ATP7B: variants seen among roughly 807,000 people sequenced by gnomAD.
ATP7B encodes the protein ATPase copper transporting beta.
ATP7B carries 113 observed loss-of-function variants against 118.9 expected under a neutral mutation model. The observed-to-expected ratio is 0.95, with a 90% confidence interval of 0.82 to 1.11. The LOEUF (loss-of-function observed/expected upper bound fraction) is 1.11. Among genes scored for constraint, ATP7B ranks in the 50% most tolerant of loss-of-function variants. The pLI, the probability that ATP7B is intolerant of heterozygous loss-of-function variation, is 0.00. For missense variants in ATP7B, 1,867 were observed against 1,871.4 expected (o/e 1.00, Z 0.04); for synonymous variants, 777 against 727.4 (o/e 1.07, Z -1.10).
rs200212457 is a variant in ATP7B at position 51,968,485 on chromosome 13, T to C, written c.1666A>G (p.Met556Val). The C allele has an allele frequency of 1.1e-5, 17 of 1,614,194 alleles. No homozygotes were observed. The highest frequency in any genetic ancestry group is 8.0e-5 in the African/African-American group (6 of 75,054). ...CCATCGGAGCCTGCGTAGTCCTCCA[T>C]GACTGCTGCCTCAAAACCCAGGTCC... ...IQDLGFEAAV[M>V]EDYAGSDGNI... Residue 556 changes from methionine (M) to valine (V), a missense_variant, in exon 4 of 21, where the codon ATG becomes GTG. Coordinates refer to ENST00000242839, the MANE Select transcript of ATP7B (RefSeq NM_000053.4).
Position 51,974,407 on chromosome 13 carries a change from G to T in ATP7B, c.813C>A (p.Cys271Ter), listed in dbSNP as rs572147914. 61 of 1,613,964 alleles carry T rather than the reference G, an allele frequency of 3.8e-5. No homozygotes were observed. The South Asian group carries it at 6.1e-4, about 16-fold the overall frequency. Reference sequence around the variant, plus strand: ...CAATATTTTCTTCAATATTCAAGACGCAAGACTTACAATGCATTCCATCTA... The same window carrying T: ...CAATATTTTCTTCAATATTCAAGACTCAAGACTTACAATGCATTCCATCTA... ...LRIDGMHCKS[C>*]VLNIEENIGQ... is the part of the protein sequence containing the mutation. Residue 271 changes from cysteine (C) to a stop codon, truncating the protein, a stop_gained, in exon 2 of 21, where the codon TGC becomes TGA. Transcript: ENST00000242839. LOFTEE classifies it high-confidence loss of function.
In ATP7B at chr13:51,939,187, A is replaced by G. The variant is rs1361580175; in HGVS notation, c.3563T>C (p.Leu1188Pro). The G allele has an allele frequency of 3.1e-6, 5 of 1,613,338 alleles. No individual in the cohort carries two copies. The highest frequency in any genetic ancestry group is 4.2e-6 in the Non-Finnish European group (5 of 1,180,034). Reference sequence around the variant, plus strand: ...GTCTGCGATTGCGATCATCCCACAGAGCACACCTGGAGCGAACCAGCCAGC... The same window carrying G: ...GTCTGCGATTGCGATCATCCCACAGGGCACACCTGGAGCGAACCAGCCAGC... Reference protein sequence around the residue: ...TAILVAIDGVLCGMIAIADAV... With the variant: ...TAILVAIDGVPCGMIAIADAV... Residue 1188 changes from leucine (L) to proline (P), a missense_variant, in exon 17 of 21, where the codon CTC (leucine) becomes CCC (proline). Physicochemically the swap from Leu to Pro is moderately conservative, Grantham distance 98. Coordinates refer to ENST00000242839, the MANE Select transcript of ATP7B (RefSeq NM_000053.4).
At chr13:52,011,678 GGTGCCACAGTGTTCTCTGCCGTGCCA>G (rs1467080618), upstream of ATP7B, among the ~76,000 whole-genome samples, 1 of 152,222 alleles carries the variant, frequency 6.6e-6, no homozygotes, top group Non-Finnish European at 1.5e-5. Flanking sequence ...CGGCCCCGCC[GGTGCCACAGTGTTCTCTGCCGTGCCA>G]GTGCCACAAT....
intron 1 of ATP7B, among the ~76,000 whole-genome samples, chr13:51,983,943 T>A (rs546903286): frequency 3.3e-5 from 5 of 151,986 alleles, no homozygotes; most frequent in Admixed American, 2.0e-4. Flanking sequence ...GATAAATCCA[T>A]GAAGATGGGG....
chr13:51,968,680 G>A (rs930050942), intron 3 of ATP7B, 73 bp from the exon 4 acceptor site: 22 of 1,546,598 alleles, frequency 1.4e-5, no homozygotes, highest in Middle Eastern at 2.2e-4. Context: ...CAATATAACC[G>A]AACAAAGAAA....
At chr13:52,004,476 C>T (rs1953678678) in intron 1 of ATP7B, among the ~76,000 whole-genome samples, 2 of 152,134 alleles carry the variant, frequency 1.3e-5, no homozygotes, top group Admixed American at 6.5e-5. Context: ...CAAACCAAAC[C>T]CAACTCAATA....
chr13:51,987,588 A>G (rs1662338609), intron 1 of ATP7B, among the ~76,000 whole-genome samples: 1 of 152,252 alleles, frequency 6.6e-6, no homozygotes, highest in Admixed American at 6.5e-5. Context: ...GAACCAAAAA[A>G]GAGCCCAGAT....
At chr13:51,989,587 G>T (rs1952815961) in intron 1 of ATP7B, among the ~76,000 whole-genome samples, 1 of 151,212 alleles carries the variant, frequency 6.6e-6, no homozygotes, top group African/African-American at 2.4e-5. Context: ...CACCACATAT[G>T]TACATACAAA....
intron 2 of ATP7B, among the ~76,000 whole-genome samples, chr13:51,971,545 G>T (rs1805803846): frequency 1.3e-5 from 2 of 152,246 alleles, no homozygotes; most frequent in Non-Finnish European, 2.9e-5. Flanking sequence ...TAACCTGATT[G>T]CACGGTTGAA....
rs771981832 is a variant in ATP7B, at chr13:51,974,024, G to T, written c.1196C>A (p.Ala399Glu). 2 of 1,614,128 alleles carry T rather than the reference G, an allele frequency of 1.2e-6. No individual in the cohort carries two copies. Among genetic ancestry groups the T allele is most frequent in the East Asian group, 4.5e-5 (2 of 44,902 alleles). ...QISVSLAEGTATVLYNPSVIS... is the reference protein window; with the variant it reads ...QISVSLAEGTETVLYNPSVIS... The stretch of plus-strand genomic sequence containing the variant: ...TACAGAGGGATTATAAAGAACTGTT[G>T]CAGTCCCTTCGGCCAAAGACACCGA... Residue 399 changes from alanine to glutamate, a missense_variant, in exon 2 of 21, where the codon GCA becomes GAA. Physicochemically the swap from Ala to Glu is moderately radical, Grantham distance 107. Transcript: ENST00000242839.
rs534960245 is a variant in ATP7B at position 51,949,742 on chromosome 13, T to C, written c.2785A>G (p.Ile929Val). 350 of 1,614,126 alleles carry C rather than the reference T, an allele frequency of 2.2e-4. 2 individuals carry two copies. The East Asian group carries it at 7.0e-3, about 32-fold the overall frequency. ...ACCAACGTCAAAGTTGACATGATGA[T>C]GATAAATGGGACAAAATATCCACTA... ...RFSGYFVPFI[I>V]IMSTLTLVVW... Residue 929 changes from isoleucine (I) to valine (V), a missense_variant, in exon 12 of 21, where the codon ATC becomes GTC. Coordinates refer to ENST00000242839, the MANE Select transcript of ATP7B (RefSeq NM_000053.4).
chr13:51,975,575 C>A, intron 1 of ATP7B: 1 of 516,636 alleles, frequency 1.9e-6, no homozygotes. Context: ...GATACCTCCC[C>A]ACAGAACTTA....
In ATP7B at chr13:51,933,758, ACAGT is replaced by A. The variant is rs886050301; in HGVS notation, c.*994_*997del. The A allele has an allele frequency of 6.6e-6, 1 of 152,324 alleles. No individual in the cohort carries two copies. Among genetic ancestry groups the A allele is most frequent in the Admixed American group, 6.5e-5 (1 of 15,302 alleles). The allele number at this position is 152,324 out of a possible 1,614,324, so 9.4% of individuals were successfully genotyped here. A position where few individuals can be genotyped will look rare whatever the true frequency, so the allele number is the denominator to read the frequency against. On this transcript the variant is annotated 3_prime_UTR_variant, in exon 21 of 21. Coordinates refer to ENST00000242839, the MANE Select transcript of ATP7B (RefSeq NM_000053.4). ...ATTCTCTACTGAACCCCACGAGGTG[ACAGT>A]CAGAAGACTGAAAACGAAGCCCCTT...
rs540586756 is a variant in ATP7B, at chr13:51,970,586, T to C, written c.1449A>G (p.Arg483=). 7 of 1,614,074 alleles carry C rather than the reference T, an allele frequency of 4.3e-6. No individual in the cohort carries two copies. The South Asian group carries it at 6.6e-5, about 15-fold the overall frequency. Residue 483 remains arginine, a synonymous_variant, in exon 3 of 21, where the codon AGA becomes AGG. Transcript: ENST00000242839. The part of the protein sequence containing the change: ...DILAKSPQST[R]AVAPQKCFLQ... ...AGAAGCACTTCTGCGGTGCCACTGC[T>C]CTGGTTGATTGTGGGGACTTTGCCA...
At chr13:51,967,377 A>T (rs1199353328) in intron 4 of ATP7B, among the ~76,000 whole-genome samples, 1 of 152,248 alleles carries the variant, frequency 6.6e-6, no homozygotes, top group Non-Finnish European at 1.5e-5. Context: ...CAATAAAAAA[A>T]TTGTTTAAAA....
chr13:52,010,147 C>G (rs937494219), intron 1 of ATP7B, among the ~76,000 whole-genome samples: 1 of 152,110 alleles, frequency 6.6e-6, no homozygotes, highest in Non-Finnish European at 1.5e-5. Context: ...CAAGCCACCC[C>G]TCCCAACATT....
At chr13:51,968,306 A>G (rs982004091) in intron 4 of ATP7B, 138 bp downstream of exon 4, 2 of 1,315,772 alleles carry the variant, frequency 1.5e-6, no homozygotes, top group Non-Finnish European at 2.1e-6. Context: ...TTCAAAGGAA[A>G]GTGAAACAAA....
intron 15 of ATP7B, among the ~76,000 whole-genome samples, chr13:51,941,531 G>A (rs1489239251): frequency 6.6e-6 from 1 of 152,148 alleles, no homozygotes; most frequent in Non-Finnish European, 1.5e-5. Flanking sequence ...TTCTTTTTCT[G>A]CAGGGATTAG....
In ATP7B at chr13:51,934,467, G is replaced by C; in HGVS notation, c.*289C>G. Reference sequence around the variant, plus strand: ...TACTCCAAGCAGAGGTCTGTGAGGAGGGTGACTCGCCTCTCACCTTCTACA... The same window carrying C: ...TACTCCAAGCAGAGGTCTGTGAGGACGGTGACTCGCCTCTCACCTTCTACA... On this transcript the variant is annotated 3_prime_UTR_variant, in exon 21 of 21. Transcript: ENST00000242839. 1 of 489,242 alleles carries C rather than the reference G, an allele frequency of 2.0e-6. No individual in the cohort carries two copies. The highest frequency in any genetic ancestry group is 3.8e-6 in the Non-Finnish European group (1 of 265,556). 30.3% of individuals were successfully genotyped at this position (489,242 alleles called of 1,614,324 possible).
Sources: gnomAD v4.1 joint callset for allele counts (sites outside exome capture counted in the v4.1 genomes callset) on GRCh38, gnomAD v4.1.1 for gene constraint, MANE v1.5 for transcripts, NCBI Gene and HGNC (gene_info 2026-07-23, HGNC 2026-07-21) for gene names.